Variants in EGFL6 observed in about 807,000 individuals in gnomAD.
The protein encoded by EGFL6 is epidermal growth factor-like protein 6.
Under a neutral mutation model 43.1 loss-of-function variants are expected in EGFL6, and 42 were observed. The ratio of observed to expected loss-of-function variants is 0.98; its 90% CI spans 0.76 to 1.26. The LOEUF is 1.26. Among genes scored for constraint, EGFL6 ranks in the 50% most tolerant of loss-of-function variants. The pLI, the probability that EGFL6 is intolerant of heterozygous loss-of-function variation, is 0.00. For synonymous variants in EGFL6, 164 were observed against 163.2 expected, an observed-to-expected ratio of 1.01 and a Z score of -0.04; for missense variants, 429 against 427.8, an observed-to-expected ratio of 1.00 and a Z score of -0.02.
At chrX:13,606,207 A>G (rs1404370864) in intron 5 of EGFL6, among the ~76,000 whole-genome samples, 172 bp from the exon 6 acceptor site, 1 of 112,040 alleles carries the variant, frequency 8.9e-6, no homozygotes, top group Non-Finnish European at 1.9e-5. Context: ...TAAAGTGAAG[A>G]GCTGTGTGTG....
At chrX:13,583,390 C>T (rs1027292551) in intron 1 of EGFL6, among the ~76,000 whole-genome samples, 12 of 111,456 alleles carry the variant, frequency 1.1e-4, no homozygotes, top group African/African-American at 3.9e-4. Context: ...ACTTCCATAT[C>T]TCCCCCTAGC....
At chrX:13,599,101 G>T (rs1017433628) in intron 3 of EGFL6, among the ~76,000 whole-genome samples, 11 of 110,021 alleles carry the variant, frequency 1.0e-4, no homozygotes, top group African/African-American at 3.6e-4. Context: ...GGCCAGTGCA[G>T]GGGCCAGCCA....
At chrX:13,629,251 G>A (rs1386326000) in intron 11 of EGFL6, among the ~76,000 whole-genome samples, 1 of 112,212 alleles carries the variant, frequency 8.9e-6, no homozygotes, top group African/African-American at 3.2e-5. Context: ...TTTGGGGACT[G>A]TGGCACTGAG....
chrX:13,615,861 G>A (rs946620377), intron 7 of EGFL6, among the ~76,000 whole-genome samples: 1 of 111,386 alleles, frequency 9.0e-6, no homozygotes, highest in Non-Finnish European at 1.9e-5. Flanking sequence ...GCCAAATGAT[G>A]GAGAAGGAAC....
chrX:13,602,029 A>G (rs1230605873), intron 4 of EGFL6, among the ~76,000 whole-genome samples: 1 of 112,600 alleles, frequency 8.9e-6, no homozygotes, highest in East Asian at 2.8e-4. Flanking sequence ...TAAAGAGAAA[A>G]GATGAAAGAA....
intron 3 of EGFL6, chrX:13,596,279 T>A (rs1281557813): frequency 8.9e-6 from 1 of 111,782 alleles, no homozygotes; most frequent in Non-Finnish European, 1.9e-5. Context: ...ACCCCATTGC[T>A]CACCTGGGTT....
chrX:13,569,840 A>G lies in EGFL6; in HGVS notation c.-22A>G. 8.3e-7 allele frequency: 1 copy of G among 1,208,484 alleles called. No homozygotes were observed. The highest frequency in any genetic ancestry group is 1.7e-5 in the African/African-American group (1 of 57,869). On this transcript the variant is annotated 5_prime_UTR_variant, in exon 1 of 12. Transcript: ENST00000361306. ...GCCCTCCCGAGGGGGGCTCAGGAGG[A>G]GGAAGGAGGACCCGTGCGAGAATGC...
At chrX:13,610,976 A>G (rs2045686136) in intron 7 of EGFL6, among the ~76,000 whole-genome samples, 1 of 110,933 alleles carries the variant, frequency 9.0e-6, no homozygotes, top group Non-Finnish European at 1.9e-5. Context: ...GGGGTGGGAC[A>G]GTTCTGAGGT....
intron 3 of EGFL6, among the ~76,000 whole-genome samples, chrX:13,595,982 A>G (rs2045595286): frequency 9.0e-6 from 1 of 111,109 alleles, no homozygotes; most frequent in South Asian, 3.8e-4. Context: ...GCCCTCCCAA[A>G]GTGCTGGAAT....
At chrX:13,632,615 GT>G (rs2045819735) in intron 11 of EGFL6, among the ~76,000 whole-genome samples, 1 of 110,982 alleles carries the variant, frequency 9.0e-6, no homozygotes, top group East Asian at 2.8e-4. Flanking sequence ...TGACTATATA[GT>G]TTTTTATTAG....
chrX:13,625,661 G>A (rs1201660561), intron 10 of EGFL6, among the ~76,000 whole-genome samples: 1 of 110,076 alleles, frequency 9.1e-6, no homozygotes, highest in Non-Finnish European at 1.9e-5. Context: ...TCCAGCCTGG[G>A]CGACAGAACA....
At chrX:13,576,943 A>G (rs2045474717) in intron 1 of EGFL6, among the ~76,000 whole-genome samples, 2 of 111,401 alleles carry the variant, frequency 1.8e-5, no homozygotes, top group Admixed American at 9.6e-5. Flanking sequence ...CCCAGTGGGT[A>G]AGTTTTAATA....
At chrX:13,598,653 AT>A (rs1368779464) in intron 3 of EGFL6, among the ~76,000 whole-genome samples, 1 of 108,966 alleles carries the variant, frequency 9.2e-6, no homozygotes, top group Non-Finnish European at 1.9e-5. Context: ...GAAGATAACC[AT>A]TAGTCGCATT....
chrX:13,633,236 T>C lies in EGFL6; in HGVS notation c.*141T>C. 1 of 448,185 alleles carries C rather than the reference T, an allele frequency of 2.2e-6. No individual in the cohort carries two copies. Among genetic ancestry groups the C allele is most frequent in the Non-Finnish European group, 3.7e-6 (1 of 272,185 alleles). 36.9% of individuals were successfully genotyped at this position (448,185 alleles called of 1,213,427 possible). ...GAAATATTATTGTAAGATGCCTTTC[T>C]TGTATAAGATATGCCAATATTTGCT... On this transcript the variant is annotated 3_prime_UTR_variant, in exon 12 of 12. Coordinates refer to ENST00000361306, the MANE Select transcript of EGFL6 (RefSeq NM_015507.4).
rs375385216 is a variant in EGFL6 at position 13,605,630 on chromosome X, C to T, written c.521-749C>T. Among the ~76,000 whole-genome samples the T allele has an allele frequency of 4.7e-5, 5 of 105,535 alleles. No individual in the cohort carries two copies. In the East Asian group the frequency reaches 1.2e-3, roughly 25 times the overall value. The allele number at this position is 105,535 out of a possible 115,157, so 91.6% of individuals were successfully genotyped here. ...AAGGGAAATAGTAAGACAACATCAA[C>T]TTGCCGGTTTAAGCCAGGTTCAGAA... On this transcript the variant is annotated intron_variant, in intron 5 of 11. Transcript: ENST00000361306.
chrX:13,571,692 T>C (rs1444125047), intron 1 of EGFL6, among the ~76,000 whole-genome samples: 1 of 112,033 alleles, frequency 8.9e-6, no homozygotes, highest in Non-Finnish European at 1.9e-5. Context: ...AATTCTGCAG[T>C]TTTCAAGATG....
At chrX:13,600,578 T>C (rs1399025958) in intron 4 of EGFL6, among the ~76,000 whole-genome samples, 1 of 107,853 alleles carries the variant, frequency 9.3e-6, no homozygotes, top group African/African-American at 3.4e-5. Flanking sequence ...TGAGCCACCA[T>C]GCCCAGCTTC....
At position 13,623,802 on chromosome X, in the gene EGFL6, A is replaced by T. The variant is rs745670028; in HGVS notation, c.1184-22A>T. 1.1e-5 allele frequency: 13 copies of T among 1,167,409 alleles called. No individual in the cohort carries two copies. In the East Asian group the frequency reaches 3.6e-4, roughly 32 times the overall value. On this transcript the variant is annotated intron_variant, in intron 9 of 11. Coordinates refer to ENST00000361306, the MANE Select transcript of EGFL6 (RefSeq NM_015507.4). ...TCCTAATGCTTTTAGGGGTTATGAA[A>T]TATGTTCTTTCTTTTTAGCAGATTT...
chrX:13,608,498 C>T, intron 7 of EGFL6, 52 bp downstream of exon 7: 1 of 1,169,132 alleles, frequency 8.6e-7, no homozygotes, highest in Non-Finnish European at 1.2e-6. Flanking sequence ...AAGCATTCTC[C>T]CCATATCTCC....
Sources: gnomAD v4.1 joint callset for allele counts (sites outside exome capture counted in the v4.1 genomes callset) on GRCh38, gnomAD v4.1.1 for gene constraint, MANE v1.5 for transcripts, NCBI Gene and HGNC (gene_info 2026-07-23, HGNC 2026-07-21) for gene names.